KLRG1: variants seen among roughly 807,000 people sequenced by gnomAD.
KLRG1 encodes killer cell lectin-like receptor subfamily G member 1.
Under a neutral mutation model 21.8 loss-of-function variants are expected in KLRG1, and 16 were observed. The ratio of observed to expected loss-of-function variants is 0.73; its 90% CI spans 0.50 to 1.11. The LOEUF (loss-of-function observed/expected upper bound fraction) is 1.11. Ranked by LOEUF, KLRG1 falls within the 50% of genes most tolerant of loss-of-function variation. The pLI is 0.00. For missense variants in KLRG1, 173 were observed against 218.3 expected, an observed-to-expected ratio of 0.79 and a Z score of 1.31; for synonymous variants, 69 against 75.9, an observed-to-expected ratio of 0.91 and a Z score of 0.47.
chr12:9,103,835 C>T, the KLRG1 span, among the ~76,000 whole-genome samples: 15 of 152,144 alleles, frequency 9.9e-5, no homozygotes, highest in Non-Finnish European at 1.8e-4. Flanking sequence ...TGGGTAGCCT[C>T]GATCTCTCAG....
the KLRG1 span, among the ~76,000 whole-genome samples, chr12:9,122,590 A>G: frequency 6.6e-6 from 1 of 152,250 alleles, no homozygotes; most frequent in African/African-American, 2.4e-5. Context: ...GGCTAAGACA[A>G]GTTCTAAGAG....
the KLRG1 span, chr12:9,077,859 T>A: frequency 6.2e-7 from 1 of 1,614,138 alleles, no homozygotes; most frequent in Non-Finnish European, 8.5e-7. Flanking sequence ...GCTGTGAGCC[T>A]GACCAGGGAG....
At chr12:9,076,927 C>G in the KLRG1 span, 1 of 1,589,894 alleles carries the variant, frequency 6.3e-7, no homozygotes. Context: ...GCATTGCGGA[C>G]AACAGGGTGC....
chr12:9,082,229 C>T, the KLRG1 span, among the ~76,000 whole-genome samples: 1 of 152,180 alleles, frequency 6.6e-6, no homozygotes, highest in East Asian at 1.9e-4. Context: ...TATTTCTGCC[C>T]ATCCCAAGCA....
intron 3 of KLRG1, among the ~76,000 whole-genome samples, chr12:9,004,035 A>T (rs1488526428): frequency 2.6e-5 from 4 of 151,918 alleles, no homozygotes; most frequent in Non-Finnish European, 5.9e-5. Context: ...ACATGAACTC[A>T]TCATTTTTTA....
the KLRG1 span, chr12:9,077,243 A>C: frequency 1.8e-6 from 2 of 1,136,392 alleles, no homozygotes; most frequent in Non-Finnish European, 2.5e-6. Context: ...CATAGAAAGA[A>C]AGCTGATGCT....
At chr12:9,048,489 C>A in the KLRG1 span, among the ~76,000 whole-genome samples, 3 of 152,050 alleles carry the variant, frequency 2.0e-5, no homozygotes, top group South Asian at 6.2e-4. Flanking sequence ...CCAAACCCAA[C>A]AATGTGTAAG....
chr12:9,157,839 T>G, the KLRG1 span: 2 of 1,611,074 alleles, frequency 1.2e-6, no homozygotes, highest in South Asian at 1.1e-5. Flanking sequence ...CTTCTACACC[T>G]CCCTGTGAAT....
At chr12:9,080,451 T>C in the KLRG1 span, 2 of 232,088 alleles carry the variant, frequency 8.6e-6, no homozygotes, top group Non-Finnish European at 1.7e-5. Flanking sequence ...GGTGATGTTG[T>C]GATTCAGTTG....
chr12:9,080,013 T>A, the KLRG1 span: 1 of 1,025,948 alleles, frequency 9.7e-7, no homozygotes, highest in Non-Finnish European at 1.4e-6. Context: ...ATAGTATTAT[T>A]TTTAGTAAAT....
the KLRG1 span, chr12:9,091,506 G>T: frequency 1.3e-3 from 1,948 of 1,463,156 alleles, 23 homozygotes; most frequent in African/African-American, 0.024. Flanking sequence ...CCCTAGGAAT[G>T]ATTCTACTGC....
At chr12:9,152,682 A>G in the KLRG1 span, 4 of 860,878 alleles carry the variant, frequency 4.6e-6, no homozygotes, top group East Asian at 8.5e-5. Context: ...CGTCATAATG[A>G]TAAAAGCCTA....
At chr12:9,187,594 TGAAATTTTGGCA>T in the KLRG1 span, among the ~76,000 whole-genome samples, 1 of 152,122 alleles carries the variant, frequency 6.6e-6, no homozygotes, top group Non-Finnish European at 1.5e-5. Flanking sequence ...GGGTAAATAA[TGAAATTTTGGCA>T]GAAATCAGGA....
the KLRG1 span, chr12:9,029,003 G>T: frequency 1.7e-6 from 1 of 604,110 alleles, no homozygotes; most frequent in Non-Finnish European, 3.1e-6. Context: ...GGCTCTTCAG[G>T]CTCTCATTGG....
chr12:9,106,172 C>G, the KLRG1 span: 3 of 952,418 alleles, frequency 3.1e-6, no homozygotes, highest in East Asian at 7.3e-5. Flanking sequence ...TAGCACAAAC[C>G]ATAACTATTG....
chr12:9,156,803 T>G, the KLRG1 span, among the ~76,000 whole-genome samples: 2 of 152,206 alleles, frequency 1.3e-5, no homozygotes, highest in African/African-American at 2.4e-5. Flanking sequence ...AGGAATATAT[T>G]TCTTCTTTTT....
intron 1 of KLRG1, among the ~76,000 whole-genome samples, chr12:8,974,236 C>T (rs1223443197): frequency 2.0e-5 from 3 of 150,958 alleles, no homozygotes; most frequent in Non-Finnish European, 4.4e-5. Flanking sequence ...GGCGCGATCT[C>T]GGCTCACTGC....
intron 2 of KLRG1, 137 bp from the exon 3 acceptor site, chr12:8,994,982 C>G (rs1027600754): frequency 1.5e-6 from 1 of 662,874 alleles, no homozygotes; most frequent in African/African-American, 1.9e-5. Flanking sequence ...CGCATTGTTA[C>G]ACATTTCTCT....
At chr12:9,080,726 A>C in the KLRG1 span, among the ~76,000 whole-genome samples, 2 of 152,216 alleles carry the variant, frequency 1.3e-5, no homozygotes, top group Admixed American at 1.3e-4. Flanking sequence ...TATTTGATGC[A>C]TTGAAAATAA....
Sources: allele counts gnomAD v4.1 joint callset (sites outside exome capture counted in the v4.1 genomes callset), GRCh38; gene constraint gnomAD v4.1.1; transcripts MANE v1.5; gene names NCBI Gene and HGNC (gene_info 2026-07-23, HGNC 2026-07-21).